The following POC1A variants were observed in gnomAD, a reference collection of about 807,000 sequenced individuals.
POC1A encodes POC1 centriolar protein A.
Under a neutral mutation model 47.8 loss-of-function variants are expected in POC1A, and 34 were observed. That is an observed-to-expected ratio of 0.71 (90% CI 0.54 to 0.95). POC1A has a LOEUF of 0.95. Ranked by LOEUF, POC1A falls within the 40% of genes least tolerant of loss-of-function variation. The pLI is 0.00. For synonymous variants in POC1A, 177 were observed against 207.6 expected (o/e 0.85, Z 1.27); for missense variants, 466 against 528.3 (o/e 0.88, Z 1.16).
intron 9 of POC1A, among the ~76,000 whole-genome samples, chr3:52,106,587 C>T (rs1320899134): frequency 9.2e-5 from 14 of 152,148 alleles, no homozygotes; most frequent in South Asian, 2.1e-4. Flanking sequence ...ATCTGCATGC[C>T]TGACCAACCC....
intron 9 of POC1A, among the ~76,000 whole-genome samples, chr3:52,119,853 C>T (rs964342861): frequency 6.6e-6 from 1 of 152,174 alleles, no homozygotes; most frequent in Non-Finnish European, 1.5e-5. Flanking sequence ...ATCAATAGTG[C>T]TGAGGGTGAG....
chr3:52,123,257 G>A (rs1173260603), intron 8 of POC1A, among the ~76,000 whole-genome samples: 4 of 152,164 alleles, frequency 2.6e-5, no homozygotes, highest in South Asian at 2.1e-4. Flanking sequence ...CATGTCCCTC[G>A]GTTCCTTGAA....
intron 9 of POC1A, among the ~76,000 whole-genome samples, chr3:52,116,618 C>T (rs1395193457): frequency 1.3e-5 from 2 of 152,212 alleles, no homozygotes; most frequent in Admixed American, 1.3e-4. Flanking sequence ...CTACGATGAC[C>T]TGCAGAGAGG....
At chr3:52,143,125 A>C (rs776555119) in intron 6 of POC1A, among the ~76,000 whole-genome samples, 1 of 150,980 alleles carries the variant, frequency 6.6e-6, no homozygotes, top group Non-Finnish European at 1.5e-5. Flanking sequence ...TCCAATCTAC[A>C]CTAGGGGTGG....
chr3:52,102,947 T>A (rs931946765), intron 9 of POC1A, among the ~76,000 whole-genome samples: 10 of 152,232 alleles, frequency 6.6e-5, no homozygotes, highest in African/African-American at 2.4e-4. Flanking sequence ...TCACACTACA[T>A]GATTTCAAGA....
intron 9 of POC1A, among the ~76,000 whole-genome samples, chr3:52,103,226 G>A (rs1703058583): frequency 6.6e-6 from 1 of 152,240 alleles, no homozygotes; most frequent in Admixed American, 6.5e-5. Context: ...AGACCTAAGT[G>A]TAAAATCTAA....
At chr3:52,097,421 G>A (rs1052121807) in intron 9 of POC1A, among the ~76,000 whole-genome samples, 6 of 152,218 alleles carry the variant, frequency 3.9e-5, no homozygotes, top group South Asian at 2.1e-4. Context: ...GTGTTTCTGC[G>A]TAAGGCCCTT....
At chr3:52,141,122 A>G (rs1698179255) in intron 6 of POC1A, among the ~76,000 whole-genome samples, 1 of 152,170 alleles carries the variant, frequency 6.6e-6, no homozygotes, top group South Asian at 2.1e-4. Context: ...ACTTCTACAG[A>G]TCCTCAGGGA....
rs1702089657 is a variant in POC1A at position 52,075,463 on chromosome 3, A to G, written c.*424T>C. ...TTAGAGAAAACCCCCGGCTCATCCA[A>G]TCAATGTGCAATCAATTTCTACACC... On this transcript the variant is annotated 3_prime_UTR_variant, in exon 11 of 11. Coordinates refer to ENST00000296484, the MANE Select transcript of POC1A (RefSeq NM_015426.5). The G allele has an allele frequency of 5.9e-6, 1 of 168,888 alleles. No homozygotes were observed. Among genetic ancestry groups the G allele is most frequent in the Non-Finnish European group, 1.3e-5 (1 of 76,768 alleles). The allele number at this position is 168,888 out of a possible 1,614,324, so 10.5% of individuals were successfully genotyped here. A position where few individuals can be genotyped will look rare whatever the true frequency, so the allele number is the denominator to read the frequency against.
chr3:52,099,547 C>G (rs1157345455), intron 9 of POC1A, among the ~76,000 whole-genome samples: 1 of 152,146 alleles, frequency 6.6e-6, no homozygotes, highest in Non-Finnish European at 1.5e-5. Flanking sequence ...TTAAGTATAA[C>G]ATGAATAAAA....
chr3:52,111,602 C>T lies in POC1A; in HGVS notation c.981+10777G>A, dbSNP rs114243235. On this transcript the variant is annotated intron_variant, in intron 9 of 10. Transcript: ENST00000296484. ...AATAGGTTACAGTAAGCCGAGATCGCGCTATTGCATTCCAGCCTAGGCAAG... is the reference window on the plus strand; with the variant it reads ...AATAGGTTACAGTAAGCCGAGATCGTGCTATTGCATTCCAGCCTAGGCAAG... Among the ~76,000 whole-genome samples the T allele has an allele frequency of 3.1e-3, 460 of 146,786 alleles. 3 individuals are homozygous for T. The highest frequency in any genetic ancestry group is 0.011 in the African/African-American group (436 of 39,566).
At chr3:52,113,622 A>T (rs528649786) in intron 9 of POC1A, among the ~76,000 whole-genome samples, 1 of 152,264 alleles carries the variant, frequency 6.6e-6, no homozygotes, top group East Asian at 1.9e-4. Context: ...GAATCGCTTG[A>T]ACTCGGGAGG....
rs564208411 is a variant in POC1A at position 52,075,649 on chromosome 3, A to G, written c.*238T>C. 75 of 393,994 alleles carry G rather than the reference A, an allele frequency of 1.9e-4. No individual in the cohort carries two copies. The South Asian group carries it at 2.6e-3, about 13-fold the overall frequency. 24.4% of individuals were successfully genotyped at this position (393,994 alleles called of 1,614,324 possible). A position where few individuals can be genotyped will look rare whatever the true frequency, so the allele number is the denominator to read the frequency against. On this transcript the variant is annotated 3_prime_UTR_variant, in exon 11 of 11. Transcript: ENST00000296484. Reference sequence around the variant, plus strand: ...ACATTAAGCAAAATGTGGTCCTCTCATTCGGGTCTGAAGCATCATTTGTGT... The same window carrying G: ...ACATTAAGCAAAATGTGGTCCTCTCGTTCGGGTCTGAAGCATCATTTGTGT...
Position 52,096,643 on chromosome 3 carries a change from C to T in POC1A, c.1051G>A (p.Glu351Lys), listed in dbSNP as rs752312413. The T allele has an allele frequency of 6.2e-7, 1 of 1,613,212 alleles. No homozygotes were observed. The highest frequency in any genetic ancestry group is 2.2e-5 in the East Asian group (1 of 44,750). Residue 351 changes from glutamate (E) to lysine (K), a missense_variant, in exon 10 of 11, where the codon GAG (glutamate) becomes AAG (lysine). Coordinates refer to ENST00000296484, the MANE Select transcript of POC1A (RefSeq NM_015426.5). ...AGTGTCTGGGGCACACTCACGGGCT[C>T]CTGGGGCTGGCTCTGCACAGACTCC... ...SVESVQSQPQ[E>K]PVSVPQTLTS...
At chr3:52,128,167 G>T (rs1704079947) in intron 7 of POC1A, among the ~76,000 whole-genome samples, 1 of 152,214 alleles carries the variant, frequency 6.6e-6, no homozygotes, top group African/African-American at 2.4e-5. Context: ...AGAGCTCACT[G>T]AGTGATGGCA....
chr3:52,149,132 G>T, intron 4 of POC1A, 78 bp downstream of exon 4: 1 of 1,281,880 alleles, frequency 7.8e-7, no homozygotes. Context: ...GAGGTCATAA[G>T]TTGGTACCTA....
rs540277589 is a variant in POC1A at position 52,138,264 on chromosome 3, A to T, written c.718T>A (p.Ser240Thr). ...AAVNGLSFHP[S>T]GNYLITASSD... is the part of the protein sequence containing the mutation. Reference sequence around the variant, plus strand: ...GAGGCTGTGATCAGGTAGTTTCCCGACGGGTGGAAAGAGAGCCCGTTCACT... The same window carrying T: ...GAGGCTGTGATCAGGTAGTTTCCCGTCGGGTGGAAAGAGAGCCCGTTCACT... Residue 240 changes from serine (S) to threonine (T), a missense_variant, in exon 7 of 11, where the codon TCG becomes ACG. By Grantham distance (58) the Ser-to-Thr change is moderately conservative. Transcript: ENST00000296484. The T allele has an allele frequency of 6.8e-6, 11 of 1,614,006 alleles. No homozygotes were observed. The East Asian group carries it at 2.5e-4, about 36-fold the overall frequency.
In POC1A at chr3:52,154,383, G is replaced by C. The variant is rs759818604; in HGVS notation, c.-11C>G. ...GCAGGGCGCAGCCATGGCGGGGCTG[G>C]CGGCGCCGAAGGCAGCTGCGGTGGC... On this transcript the variant is annotated 5_prime_UTR_variant, in exon 1 of 11. Transcript: ENST00000296484. 35 of 1,478,740 alleles carry C rather than the reference G, an allele frequency of 2.4e-5. No individual in the cohort carries two copies. The Admixed American group carries it at 5.1e-4, about 22-fold the overall frequency. 91.6% of individuals were successfully genotyped at this position (1,478,740 alleles called of 1,614,324 possible).
intron 6 of POC1A, among the ~76,000 whole-genome samples, chr3:52,142,875 T>C (rs1304462533): frequency 6.6e-6 from 1 of 152,088 alleles, no homozygotes; most frequent in Non-Finnish European, 1.5e-5. Flanking sequence ...AAAGGTTTTC[T>C]GGGGAGCCCC....
Sources: allele counts gnomAD v4.1 joint callset (sites outside exome capture counted in the v4.1 genomes callset), GRCh38; gene constraint gnomAD v4.1.1; transcripts MANE v1.5; gene names NCBI Gene and HGNC (gene_info 2026-07-23, HGNC 2026-07-21).